Variants in TPO observed in about 807,000 individuals in gnomAD.
TPO encodes thyroid peroxidase, also known as thyroid microsomal antigen.
A neutral mutation model predicts 96.9 loss-of-function variants in TPO; 78 were observed. The ratio of observed to expected loss-of-function variants is 0.81; its 90% CI spans 0.67 to 0.97. TPO has a LOEUF of 0.97. TPO is among the 50% of genes least tolerant of loss of function. The pLI is 0.00. For missense variants in TPO, 1,252 were observed against 1,274.8 expected, an observed-to-expected ratio of 0.98 and a Z score of 0.27; for synonymous variants, 547 against 538.0, an observed-to-expected ratio of 1.02 and a Z score of -0.23.
At chr2:1,431,693 C>T (rs76796466) in intron 3 of TPO, among the ~76,000 whole-genome samples, 3,279 of 152,222 alleles carry the variant, frequency 0.022, 105 homozygotes, top group East Asian at 0.12. Flanking sequence ...TTATTAACTA[C>T]GGAAGGAATA....
rs976069241 is a variant in TPO, at chr2:1,380,351, T to G, written n.180+5949T>G. On this transcript the variant is annotated intron_variant and non_coding_transcript_variant, in intron 1 of 5. Transcript: ENST00000497517. ...AGAGCTTGGAGTGAGCCGAGATCACTTTACTGCACTCCAGCCTGGGCGACA... is the reference window on the plus strand; with the variant it reads ...AGAGCTTGGAGTGAGCCGAGATCACGTTACTGCACTCCAGCCTGGGCGACA... 4.7e-5 allele frequency among the ~76,000 whole-genome samples: 7 copies of G among 149,598 alleles called. No individual in the cohort carries two copies. In the East Asian group the frequency reaches 1.0e-3, roughly 21 times the overall value.
chr2:1,477,793 G>T (rs1480636180), intron 8 of TPO, 189 bp downstream of exon 8: 1 of 985,476 alleles, frequency 1.0e-6, no homozygotes, highest in Non-Finnish European at 1.2e-6. Context: ...CTGCATGGGC[G>T]TGTGGAGGGT....
chr2:1,401,539 G>A (rs1662172620), intron 1 of TPO, among the ~76,000 whole-genome samples: 1 of 152,062 alleles, frequency 6.6e-6, no homozygotes, highest in South Asian at 2.1e-4. Context: ...TACCCACCAG[G>A]CAGCTACACC....
At chr2:1,514,634 C>T (rs928068604) in intron 14 of TPO, among the ~76,000 whole-genome samples, 1 of 152,290 alleles carries the variant, frequency 6.6e-6, no homozygotes, top group South Asian at 2.1e-4. Context: ...CGGCAGCAGC[C>T]GTGACCTTTG....
intron 5 of TPO, among the ~76,000 whole-genome samples, chr2:1,437,908 C>T (rs1665750907): frequency 6.6e-6 from 1 of 151,950 alleles, no homozygotes; most frequent in Non-Finnish European, 1.5e-5. Flanking sequence ...CCTCAGAGCT[C>T]AGTGGGAGAC....
Position 1,477,485 on chromosome 2 carries a change from C to A in TPO, c.1219C>A (p.His407Asn), listed in dbSNP as rs1219113468. The A allele has an allele frequency of 2.0e-6, 3 of 1,531,014 alleles. No homozygotes were observed. Among genetic ancestry groups the A allele is most frequent in the African/African-American group, 2.8e-5 (2 of 71,914 alleles). 94.8% of individuals were successfully genotyped at this position (1,531,014 alleles called of 1,614,324 possible). The change falls in exon 8 of 17, where the codon CAC becomes AAC. Residue 407 changes from histidine to asparagine, a missense_variant. His to Asn is a moderately conservative substitution (Grantham distance 68). Coordinates refer to ENST00000329066, the MANE Select transcript of TPO (RefSeq NM_001206744.2). Reference protein sequence around the residue: ...ASEVPSLTALHTLWLREHNRL... With the variant: ...ASEVPSLTALNTLWLREHNRL... The stretch of plus-strand genomic sequence containing the variant: ...CGAGGTCCCCTCCCTGACGGCACTG[C>A]ACACGCTGTGGCTGCGCGAGCACAA...
intron 7 of TPO, among the ~76,000 whole-genome samples, chr2:1,469,816 G>A (rs188427294): frequency 2.5e-4 from 38 of 152,314 alleles, no homozygotes; most frequent in Non-Finnish European, 3.8e-4. Context: ...TATTTGGGGT[G>A]TCTCCCGAGT....
intron 7 of TPO, among the ~76,000 whole-genome samples, chr2:1,463,687 C>A (rs1048979539): frequency 6.6e-6 from 1 of 152,160 alleles, no homozygotes; most frequent in African/African-American, 2.4e-5. Context: ...TCTTCATGAC[C>A]TTGCTCCTTC....
At chr2:1,384,319 C>A (rs1269225785) in intron 1 of TPO, among the ~76,000 whole-genome samples, 1 of 152,028 alleles carries the variant, frequency 6.6e-6, no homozygotes, top group East Asian at 1.9e-4. Flanking sequence ...TCATTTTCAC[C>A]ATATTGATTC....
intron 14 of TPO, among the ~76,000 whole-genome samples, chr2:1,504,443 C>G (rs921333058): frequency 1.3e-5 from 2 of 152,328 alleles, no homozygotes; most frequent in South Asian, 4.1e-4. Flanking sequence ...CCTCCTGGGA[C>G]CCCTCCAAAT....
intron 7 of TPO, among the ~76,000 whole-genome samples, chr2:1,467,768 T>C (rs1034314163): frequency 5.9e-5 from 9 of 151,784 alleles, no homozygotes; most frequent in Non-Finnish European, 1.2e-4. Flanking sequence ...ATGACCTGTC[T>C]AGTGCTGTCA....
At chr2:1,416,851 G>T (rs1214116653) in intron 2 of TPO, among the ~76,000 whole-genome samples, 1 of 152,186 alleles carries the variant, frequency 6.6e-6, no homozygotes, top group African/African-American at 2.4e-5. Flanking sequence ...AAAAACCTTG[G>T]CCTGCTCCCC....
chr2:1,436,223 C>G (rs1665554006), intron 4 of TPO, 29 bp from the exon 5 acceptor site: 2 of 1,614,106 alleles, frequency 1.2e-6, no homozygotes, highest in Non-Finnish European at 1.7e-6. Context: ...GTTACAAGCA[C>G]AGAATTCATG....
intron 5 of TPO, among the ~76,000 whole-genome samples, chr2:1,440,175 GTTTCCACCGTGCTGCA>G (rs925611278): frequency 8.7e-6 from 1 of 115,274 alleles, no homozygotes; most frequent in African/African-American, 3.6e-5. Flanking sequence ...ACCGTGCTGC[GTTTCCACCGTGCTGCA>G]TTTCCTGCAT....
At chr2:1,536,896 C>A (rs1310822310) in intron 15 of TPO, among the ~76,000 whole-genome samples, 13 of 135,082 alleles carry the variant, frequency 9.6e-5, no homozygotes, top group Non-Finnish European at 1.1e-4. Context: ...TGCAACCTCC[C>A]CAAATCCCAA....
intron 5 of TPO, 33 bp downstream of exon 5, chr2:1,436,417 G>A: frequency 6.2e-7 from 1 of 1,613,942 alleles, no homozygotes; most frequent in East Asian, 2.2e-5. Context: ...ATCTTCTCGT[G>A]AAAGTTGGAT....
rs1671532369 is a variant in TPO, at chr2:1,489,684, G to GAA, written c.1768+1693_1768+1694insAA. ...TGAATGAATGAATGAATGAATGAAT[G>GAA]TTTGGGCAAATAAACGCTGACAAGG... On this transcript the variant is annotated intron_variant, in intron 10 of 16. Coordinates refer to ENST00000329066, the MANE Select transcript of TPO (RefSeq NM_001206744.2). Among the ~76,000 whole-genome samples, 4 of 152,192 alleles carry GAA rather than the reference G, an allele frequency of 2.6e-5. No individual in the cohort carries two copies. The South Asian group carries it at 6.2e-4, about 24-fold the overall frequency.
intron 7 of TPO, among the ~76,000 whole-genome samples, chr2:1,467,334 G>A (rs558378744): frequency 1.3e-5 from 2 of 152,094 alleles, no homozygotes; most frequent in East Asian, 3.9e-4. Flanking sequence ...TGAATTCCTG[G>A]TCTCAGGTGA....
rs544433742 is a variant in TPO, at chr2:1,472,903, G to A, written c.820-4183G>A. ...CATTAGTTGCTTTCCCTGAATATTA[G>A]TGAATTTTAAAGTTGTCCTTTATTT... On this transcript the variant is annotated intron_variant, in intron 7 of 16. Transcript: ENST00000329066. Among the ~76,000 whole-genome samples the A allele has an allele frequency of 7.0e-5, 10 of 143,674 alleles. No homozygotes were observed. The East Asian group carries it at 1.9e-3, about 27-fold the overall frequency. 94.3% of individuals were successfully genotyped at this position (143,674 alleles called of 152,430 possible).
Sources: allele counts gnomAD v4.1 joint callset (sites outside exome capture counted in the v4.1 genomes callset), GRCh38; gene constraint gnomAD v4.1.1; transcripts MANE v1.5; gene names NCBI Gene and HGNC (gene_info 2026-07-23, HGNC 2026-07-21).